Variants in TOX3 observed in about 807,000 individuals in gnomAD.
The protein encoded by TOX3 is CAG trinucleotide repeat-containing gene F9 protein.
TOX3 carries 22 observed loss-of-function variants against 64.3 expected under a neutral mutation model. The observed-to-expected ratio is 0.34, with a 90% confidence interval of 0.24 to 0.49. The LOEUF is 0.49. TOX3 is among the 20% of genes least tolerant of loss of function. The probability of loss-of-function intolerance (pLI) is 0.99; values close to 1 mark genes in which losing one functional copy is unlikely to be tolerated. For missense variants in TOX3, 661 were observed against 714.4 expected (o/e 0.93, Z 0.85); for synonymous variants, 291 against 273.6 (o/e 1.06, Z -0.63).
At chr16:52,450,678 G>A (rs1567313010) in intron 3 of TOX3, 132 bp from the exon 4 acceptor site, 4 of 1,123,036 alleles carry the variant, frequency 3.6e-6, no homozygotes, top group African/African-American at 3.1e-5. Context: ...GCAGGATGAT[G>A]GTCTCCGTTC....
At chr16:52,488,425 C>T (rs2151455230) in intron 1 of TOX3, among the ~76,000 whole-genome samples, 1 of 152,262 alleles carries the variant, frequency 6.6e-6, no homozygotes, top group African/African-American at 2.4e-5. Context: ...ATCCCACCAC[C>T]CCCATGCCCA....
intron 3 of TOX3, among the ~76,000 whole-genome samples, chr16:52,458,447 T>C (rs1250783786): frequency 6.6e-6 from 1 of 152,166 alleles, no homozygotes; most frequent in Non-Finnish European, 1.5e-5. Flanking sequence ...ATGTCAGTCT[T>C]ATGTGGGAAT....
At chr16:52,482,346 A>G (rs985999874) in intron 1 of TOX3, among the ~76,000 whole-genome samples, 12 of 152,214 alleles carry the variant, frequency 7.9e-5, no homozygotes, top group African/African-American at 2.7e-4. Flanking sequence ...ATTTAAAAAG[A>G]TGTGATTATA....
intron 1 of TOX3, among the ~76,000 whole-genome samples, chr16:52,529,579 T>C (rs1333401021): frequency 3.9e-5 from 6 of 152,140 alleles, no homozygotes; most frequent in Admixed American, 3.9e-4. Flanking sequence ...GAGAAAATAA[T>C]AAAGCCTAGA....
chr16:52,439,674 G>C lies in TOX3; in HGVS notation c.1282C>G (p.Pro428Ala). Residue 428 changes from proline to alanine, a missense_variant, in exon 7 of 7, where the codon CCC (proline) becomes GCC (alanine). Coordinates refer to ENST00000219746, the MANE Select transcript of TOX3 (RefSeq NM_001080430.4). ...SMGTTMVGSAPSTQVSPSVQT... is the reference protein window; with the variant it reads ...SMGTTMVGSAASTQVSPSVQT... Reference sequence around the variant, plus strand: ...ACCGAAGGACTCACTTGGGTGGAGGGTGCTGAGCCAACCATGGTCGTTCCC... The same window carrying C: ...ACCGAAGGACTCACTTGGGTGGAGGCTGCTGAGCCAACCATGGTCGTTCCC... The C allele has an allele frequency of 6.2e-7, 1 of 1,614,042 alleles. No individual in the cohort carries two copies. The highest frequency in any genetic ancestry group is 1.1e-5 in the South Asian group (1 of 91,082).
chr16:52,501,567 G>C (rs1365486348), intron 1 of TOX3, among the ~76,000 whole-genome samples: 3 of 152,118 alleles, frequency 2.0e-5, no homozygotes, highest in African/African-American at 7.2e-5. Flanking sequence ...GGCTGAAGCA[G>C]GAGAATCGCT....
At chr16:52,498,589 G>T (rs1255516063) in intron 1 of TOX3, among the ~76,000 whole-genome samples, 2 of 146,482 alleles carry the variant, frequency 1.4e-5, no homozygotes, top group Non-Finnish European at 3.0e-5. Flanking sequence ...TTGTGGGGTT[G>T]GGGGGGGGAG....
Position 52,545,988 on chromosome 16 carries a change from C to T in TOX3, c.87+649G>A, listed in dbSNP as rs112672919. ...GATCTCCCCGAAATGCAAAACTTAG[C>T]CCCCCCAAAAAAATGAGAGGAAAGA... On this transcript the variant is annotated intron_variant, in intron 1 of 6. Transcript: ENST00000219746. 4.6e-3 allele frequency among the ~76,000 whole-genome samples: 705 copies of T among 152,210 alleles called. 3 individuals carry two copies. The highest frequency in any genetic ancestry group is 7.6e-3 in the Non-Finnish European group (519 of 67,986).
At chr16:52,462,131 A>G (rs1044066355) in intron 3 of TOX3, among the ~76,000 whole-genome samples, 3 of 152,138 alleles carry the variant, frequency 2.0e-5, no homozygotes, top group East Asian at 1.9e-4. Flanking sequence ...AAAGGCACCA[A>G]TAAATGTGAT....
chr16:52,454,267 G>A (rs1960448935), intron 3 of TOX3, among the ~76,000 whole-genome samples: 1 of 151,994 alleles, frequency 6.6e-6, no homozygotes, highest in Admixed American at 6.6e-5. Flanking sequence ...ATTTTGCAGT[G>A]TGACAGTATG....
In TOX3 at chr16:52,438,799, T is replaced by C. The variant is rs1048905192; in HGVS notation, c.*426A>G. 18 of 336,702 alleles carry C rather than the reference T, an allele frequency of 5.3e-5. No homozygotes were observed. Among genetic ancestry groups the C allele is most frequent in the African/African-American group, 8.6e-5 (4 of 46,382 alleles). The allele number at this position is 336,702 out of a possible 1,614,324, so 20.9% of individuals were successfully genotyped here. A position where few individuals can be genotyped will look rare whatever the true frequency, so the allele number is the denominator to read the frequency against. On this transcript the variant is annotated 3_prime_UTR_variant, in exon 7 of 7. Transcript: ENST00000219746. ...TCTTCATATTTCAGGTAGTTACAAC[T>C]GTGCTTTTTATTTTTAGGGCTTCAG...
intron 1 of TOX3, among the ~76,000 whole-genome samples, chr16:52,503,056 T>C (rs1229747643): frequency 6.6e-6 from 1 of 152,216 alleles, no homozygotes; most frequent in East Asian, 1.9e-4. Flanking sequence ...ATTTTATTAA[T>C]AAAAACAGGC....
intron 1 of TOX3, among the ~76,000 whole-genome samples, chr16:52,492,171 T>C (rs921123419): frequency 2.0e-5 from 3 of 149,656 alleles, no homozygotes; most frequent in African/African-American, 7.3e-5. Flanking sequence ...GGAAACTTTT[T>C]AATAGTGCTG....
At chr16:52,503,293 C>A (rs777157261) in intron 1 of TOX3, among the ~76,000 whole-genome samples, 1 of 152,138 alleles carries the variant, frequency 6.6e-6, no homozygotes, top group Non-Finnish European at 1.5e-5. Flanking sequence ...AACTGACCTG[C>A]CATCTCTAGG....
At chr16:52,504,473 A>AAC (rs1442669423) in intron 1 of TOX3, among the ~76,000 whole-genome samples, 1 of 151,772 alleles carries the variant, frequency 6.6e-6, no homozygotes, top group Admixed American at 6.6e-5. Flanking sequence ...TCTCAAAAAA[A>AAC]AAAAAAAAAA....
intron 3 of TOX3, among the ~76,000 whole-genome samples, chr16:52,452,285 A>G (rs1188715499): frequency 6.6e-6 from 1 of 152,230 alleles, no homozygotes; most frequent in Non-Finnish European, 1.5e-5. Context: ...CTGTGACCAC[A>G]ATACAAAAGT....
chr16:52,480,868 C>T (rs1961350827), intron 1 of TOX3, among the ~76,000 whole-genome samples: 1 of 151,844 alleles, frequency 6.6e-6, no homozygotes, highest in South Asian at 2.1e-4. Flanking sequence ...GTATAAACAT[C>T]AGTGATTCTC....
chr16:52,467,174 G>A (rs982840355), intron 2 of TOX3, among the ~76,000 whole-genome samples: 29 of 152,042 alleles, frequency 1.9e-4, no homozygotes, highest in Non-Finnish European at 3.7e-4. Context: ...TGTCTGACAC[G>A]GTGAATTATC....
intron 1 of TOX3, among the ~76,000 whole-genome samples, chr16:52,489,326 C>G (rs1034569903): frequency 6.6e-6 from 1 of 152,166 alleles, no homozygotes; most frequent in African/African-American, 2.4e-5. Flanking sequence ...GTGTCCATCT[C>G]CACATTGTGA....
Sources: allele counts gnomAD v4.1 joint callset (sites outside exome capture counted in the v4.1 genomes callset), GRCh38; gene constraint gnomAD v4.1.1; transcripts MANE v1.5; gene names NCBI Gene and HGNC (gene_info 2026-07-23, HGNC 2026-07-21).